The following DNAH7 variants were observed in gnomAD, a reference collection of about 807,000 sequenced individuals.
DNAH7 encodes dynein axonemal heavy chain 7.
Under a neutral mutation model 444.6 loss-of-function variants are expected in DNAH7, and 397 were observed. The ratio of observed to expected loss-of-function variants is 0.89; its 90% confidence interval spans 0.82 to 0.97. DNAH7 has a LOEUF of 0.97. DNAH7 is among the 50% of genes least tolerant of loss of function. The pLI is 0.00. For synonymous variants in DNAH7, 1,636 were observed against 1,624.4 expected (o/e 1.01, Z -0.17); for missense variants, 4,902 against 4,800.8 (o/e 1.02, Z -0.62).
Position 196,050,195 on chromosome 2 carries a change from T to G in DNAH7, c.141+992A>C, listed in dbSNP as rs546534102. On this transcript the variant is annotated intron_variant, in intron 3 of 64. Coordinates refer to ENST00000312428, the MANE Select transcript of DNAH7 (RefSeq NM_018897.3). ...AATATCTTTCAAAGCAAATAATGCT[T>G]TGGATGAACCCTGAAGACATTATGT... Among the ~76,000 whole-genome samples the G allele has an allele frequency of 1.5e-3, 225 of 152,320 alleles. 1 individual carries two copies. Among genetic ancestry groups the G allele is most frequent in the African/African-American group, 5.1e-3 (212 of 41,568 alleles).
At chr2:195,909,739 C>A (rs1489798981) in intron 25 of DNAH7, among the ~76,000 whole-genome samples, 1 of 152,158 alleles carries the variant, frequency 6.6e-6, no homozygotes, top group East Asian at 1.9e-4. Context: ...TTACACGATG[C>A]AATCGTTCTC....
At chr2:196,025,610 C>T (rs13399732) in intron 7 of DNAH7, among the ~76,000 whole-genome samples, 4,785 of 152,226 alleles carry the variant, frequency 0.031, 252 homozygotes, top group African/African-American at 0.11. Context: ...TTAGTTTAGG[C>T]TCCTCCAGAG....
rs200224437 is a variant in DNAH7, at chr2:195,737,955, C to T, written c.12041G>A (p.Arg4014Gln). ...SDQPKEHWIGRGVALLCQLNS is the reference protein window; with the variant it reads ...SDQPKEHWIGQGVALLCQLNS Reference sequence around the variant, plus strand: ...AAGTTGACATAACAGTGCTACACCTCGTCCAATCCAGTGTTCCTTGGGTTG... The same window carrying T: ...AAGTTGACATAACAGTGCTACACCTTGTCCAATCCAGTGTTCCTTGGGTTG... Residue 4014 changes from arginine to glutamine, a missense_variant, in exon 65 of 65, where the codon CGA (arginine) becomes CAA (glutamine). Physicochemically the swap from Arg to Gln is conservative, Grantham distance 43 (BLOSUM62 1). Coordinates refer to ENST00000312428, the MANE Select transcript of DNAH7 (RefSeq NM_018897.3). 354 of 1,614,070 alleles carry T rather than the reference C, an allele frequency of 2.2e-4. 3 individuals carry two copies. In the African/African-American group the frequency reaches 4.0e-3, roughly 18 times the overall value.
At chr2:195,839,649 C>G (rs1218157379) in intron 47 of DNAH7, among the ~76,000 whole-genome samples, 1 of 151,638 alleles carries the variant, frequency 6.6e-6, no homozygotes, top group Non-Finnish European at 1.5e-5. Flanking sequence ...AAAGAATACA[C>G]AAATTATCAA....
At chr2:195,935,143 C>A (rs1424535677) in intron 20 of DNAH7, among the ~76,000 whole-genome samples, 1 of 152,206 alleles carries the variant, frequency 6.6e-6, no homozygotes, top group Admixed American at 6.5e-5. Context: ...ATACATGAAT[C>A]TGAAGAATCT....
intron 17 of DNAH7, among the ~76,000 whole-genome samples, chr2:195,961,486 T>C (rs1450264316): frequency 6.6e-6 from 1 of 152,198 alleles, no homozygotes; most frequent in African/African-American, 2.4e-5. Context: ...ACTGAGATCA[T>C]GTGGTATTTG....
intron 10 of DNAH7, 73 bp from the exon 11 acceptor site, chr2:196,001,931 T>A: frequency 2.4e-6 from 3 of 1,253,388 alleles, no homozygotes; most frequent in South Asian, 1.7e-5. Flanking sequence ...GCATTAACAC[T>A]AATTTCTGGA....
In DNAH7 at chr2:195,947,411, T is replaced by A. The variant is rs777051836; in HGVS notation, c.3078+9850A>T. 3.9e-5 allele frequency among the ~76,000 whole-genome samples: 6 copies of A among 152,250 alleles called. 1 individual carries two copies. In the East Asian group the frequency reaches 5.8e-4, roughly 15 times the overall value. On this transcript the variant is annotated intron_variant, in intron 19 of 64. Transcript: ENST00000312428. ...TGACCCTATCAACTAGTCATCTACA[T>A]TAGGTATTTCTCCTAATGCTATCCC...
intron 42 of DNAH7, among the ~76,000 whole-genome samples, chr2:195,860,621 G>C (rs1214218509): frequency 6.6e-6 from 1 of 152,080 alleles, no homozygotes; most frequent in East Asian, 1.9e-4. Context: ...TCCATATCCA[G>C]GTAGCATGCT....
intron 12 of DNAH7, among the ~76,000 whole-genome samples, chr2:195,991,847 G>A (rs1041716428): frequency 6.6e-6 from 1 of 152,152 alleles, no homozygotes; most frequent in Non-Finnish European, 1.5e-5. Context: ...AACTCACTTT[G>A]TGGGCTCAGA....
chr2:195,939,372 G>A (rs952252864), intron 19 of DNAH7, among the ~76,000 whole-genome samples: 9 of 151,930 alleles, frequency 5.9e-5, no homozygotes, highest in East Asian at 1.9e-4. Flanking sequence ...TCTAAGAATC[G>A]CCATCAAATC....
intron 24 of DNAH7, among the ~76,000 whole-genome samples, chr2:195,916,790 G>A (rs2087175): frequency 0.095 from 14,289 of 150,612 alleles, 736 homozygotes; most frequent in African/African-American, 0.13. Context: ...GCCTGGAGAC[G>A]GAGTTTGCAG....
At position 195,808,706 on chromosome 2, in the gene DNAH7, T is replaced by C; in HGVS notation, c.10059A>G (p.Gly3353=). The change falls in exon 53 of 65, where the codon GGA becomes GGG. Residue 3353 remains glycine, a synonymous_variant. Coordinates refer to ENST00000312428, the MANE Select transcript of DNAH7 (RefSeq NM_018897.3). The stretch of plus-strand genomic sequence containing the variant: ...CCAAACTATCATATACTTTCTTCCA[T>C]CCATCCTTTAAGCGCATAAACTCTC... The part of the protein sequence containing the change: ...IRREFMRLKD[G]WKKVYDSLEP... 1.9e-6 allele frequency: 3 copies of C among 1,614,014 alleles called. No individual in the cohort carries two copies. The highest frequency in any genetic ancestry group is 2.5e-6 in the Non-Finnish European group (3 of 1,179,946).
At position 196,001,693 on chromosome 2, in the gene DNAH7, G is replaced by T. The variant is rs773946069; in HGVS notation, c.1155C>A (p.Asp385Glu). 6.3e-7 allele frequency: 1 copy of T among 1,578,626 alleles called. No homozygotes were observed. The highest frequency in any genetic ancestry group is 8.6e-7 in the Non-Finnish European group (1 of 1,162,742). The change falls in exon 11 of 65, where the codon GAC becomes GAA. Residue 385 changes from aspartate to glutamate, a missense_variant. Transcript: ENST00000312428. ...LTLVSMQDFT[D>E]LIAQPPDSVR... is the part of the protein sequence containing the mutation. The stretch of plus-strand genomic sequence containing the variant: ...TACTTACTGGGGGTTGTGCAATTAA[G>T]TCCGTGAAATCTTGCATGGAGACTA...
At chr2:195,831,768 T>C (rs1478266111) in intron 48 of DNAH7, among the ~76,000 whole-genome samples, 1 of 152,210 alleles carries the variant, frequency 6.6e-6, no homozygotes, top group Non-Finnish European at 1.5e-5. Context: ...AGGGACTAGT[T>C]TCAGCACTCC....
At chr2:195,831,280 G>C (rs1256881661) in intron 48 of DNAH7, among the ~76,000 whole-genome samples, 1 of 152,162 alleles carries the variant, frequency 6.6e-6, no homozygotes, top group African/African-American at 2.4e-5. Flanking sequence ...TTAAGCAGCA[G>C]AATACTTCTT....
intron 10 of DNAH7, among the ~76,000 whole-genome samples, chr2:196,010,053 C>A (rs1351495819): frequency 1.3e-5 from 2 of 152,090 alleles, no homozygotes; most frequent in Non-Finnish European, 2.9e-5. Flanking sequence ...AAAGTACAAA[C>A]AATAACAGAT....
At chr2:195,996,586 C>T (rs770978955) in intron 12 of DNAH7, among the ~76,000 whole-genome samples, 8 of 152,022 alleles carry the variant, frequency 5.3e-5, no homozygotes, top group African/African-American at 1.7e-4. Context: ...CCACCATGCC[C>T]GGCTGATTTT....
At chr2:195,990,934 T>C (rs1037954425) in intron 12 of DNAH7, among the ~76,000 whole-genome samples, 1 of 145,826 alleles carries the variant, frequency 6.9e-6, no homozygotes, top group Non-Finnish European at 1.5e-5. Context: ...TATATATACT[T>C]AAATATATAT....
Sources: gnomAD v4.1 joint callset for allele counts (sites outside exome capture counted in the v4.1 genomes callset) on GRCh38, gnomAD v4.1.1 for gene constraint, MANE v1.5 for transcripts, NCBI Gene and HGNC (gene_info 2026-07-23, HGNC 2026-07-21) for gene names.